Variants in GRM3 observed in about 807,000 individuals in gnomAD.
The protein encoded by GRM3 is glutamate metabotropic receptor 3.
A neutral mutation model predicts 70.5 loss-of-function variants in GRM3; 26 were observed. The observed-to-expected ratio is 0.37, with a 90% confidence interval of 0.27 to 0.51. GRM3 has a LOEUF of 0.51. Among genes scored for constraint, GRM3 ranks in the 20% least tolerant of loss-of-function variants. The probability of loss-of-function intolerance (pLI) is 0.93; values close to 1 mark genes in which losing one functional copy is unlikely to be tolerated. For missense variants in GRM3, 859 were observed against 1,123.8 expected (o/e 0.76, Z 3.37); for synonymous variants, 443 against 434.9 (o/e 1.02, Z -0.23).
At chr7:86,760,037 C>T (rs1796441160) in intron 1 of GRM3, among the ~76,000 whole-genome samples, 1 of 151,994 alleles carries the variant, frequency 6.6e-6, no homozygotes, top group Non-Finnish European at 1.5e-5. Context: ...TAGGACTAAC[C>T]CTAACTTTGT....
intron 1 of GRM3, among the ~76,000 whole-genome samples, chr7:86,701,151 T>C (rs1794938761): frequency 6.6e-6 from 1 of 151,838 alleles, no homozygotes; most frequent in Non-Finnish European, 1.5e-5. Flanking sequence ...AGAAACTAAA[T>C]ACAACCTGAA....
At chr7:86,699,997 T>C (rs913715000) in intron 1 of GRM3, among the ~76,000 whole-genome samples, 1 of 151,942 alleles carries the variant, frequency 6.6e-6, no homozygotes, top group Non-Finnish European at 1.5e-5. Context: ...CACACTAGGC[T>C]TCACAGCATG....
intron 1 of GRM3, 22 bp downstream of exon 1, chr7:86,644,894 G>C: frequency 8.0e-7 from 1 of 1,252,680 alleles, no homozygotes; most frequent in Non-Finnish European, 1.0e-6. Context: ...AGAGGAGGAC[G>C]TGTCCCTCTG....
chr7:86,678,627 T>C (rs1253513573), intron 1 of GRM3, among the ~76,000 whole-genome samples: 1 of 152,082 alleles, frequency 6.6e-6, no homozygotes, highest in Non-Finnish European at 1.5e-5. Flanking sequence ...TCAAACATGA[T>C]ATCTGAGAAA....
chr7:86,832,477 C>T (rs758442576), intron 3 of GRM3, among the ~76,000 whole-genome samples: 1 of 152,034 alleles, frequency 6.6e-6, no homozygotes. Flanking sequence ...TCTTGAACTC[C>T]TGACCTCAGA....
intron 2 of GRM3, among the ~76,000 whole-genome samples, chr7:86,773,583 C>A (rs1258683063): frequency 7.1e-6 from 1 of 139,998 alleles, no homozygotes; most frequent in African/African-American, 2.7e-5. Context: ...CAGACAGAAT[C>A]TTTTCATTTA....
chr7:86,669,671 CTT>C (rs1794121775), intron 1 of GRM3, among the ~76,000 whole-genome samples: 1 of 152,122 alleles, frequency 6.6e-6, no homozygotes, highest in Non-Finnish European at 1.5e-5. Context: ...AGTATTTTCT[CTT>C]ATATATTTTG....
At chr7:86,787,222 A>G (rs1797275191) in intron 3 of GRM3, 106 bp downstream of exon 3, 2 of 941,824 alleles carry the variant, frequency 2.1e-6, no homozygotes, top group Non-Finnish European at 3.2e-6. Context: ...CAAAGCCATA[A>G]AAAGGGTTCA....
At chr7:86,746,700 T>C (rs948771006) in intron 1 of GRM3, among the ~76,000 whole-genome samples, 1 of 151,982 alleles carries the variant, frequency 6.6e-6, no homozygotes, top group African/African-American at 2.4e-5. Context: ...AGAAAGCTGA[T>C]TTCACGGGGC....
intron 3 of GRM3, among the ~76,000 whole-genome samples, chr7:86,799,677 C>T (rs1198091739): frequency 6.6e-6 from 1 of 151,872 alleles, no homozygotes; most frequent in South Asian, 2.1e-4. Flanking sequence ...CAGGCGCCCA[C>T]CACCAAGGCC....
chr7:86,774,685 A>G (rs997950397), intron 2 of GRM3, among the ~76,000 whole-genome samples: 1 of 84,656 alleles, frequency 1.2e-5, no homozygotes, highest in Admixed American at 1.1e-4. Flanking sequence ...TTGAATTGTC[A>G]GTGTGTTTAC....
At chr7:86,647,784 G>C (rs1220892772) in intron 1 of GRM3, among the ~76,000 whole-genome samples, 1 of 152,100 alleles carries the variant, frequency 6.6e-6, no homozygotes, top group African/African-American at 2.4e-5. Context: ...AAAACTATTA[G>C]CTCATACCCC....
chr7:86,860,897 G>A (rs1299625543), intron 5 of GRM3, among the ~76,000 whole-genome samples: 3 of 152,162 alleles, frequency 2.0e-5, no homozygotes, highest in Admixed American at 6.5e-5. Flanking sequence ...AGAGGACAGG[G>A]AACATCAGAG....
intron 1 of GRM3, among the ~76,000 whole-genome samples, chr7:86,671,631 G>T (rs1416787715): frequency 6.6e-6 from 1 of 152,126 alleles, no homozygotes; most frequent in African/African-American, 2.4e-5. Flanking sequence ...ATTGGAAATT[G>T]CTTTAATCTA....
intron 1 of GRM3, among the ~76,000 whole-genome samples, chr7:86,745,677 A>G (rs1412969379): frequency 6.6e-6 from 1 of 152,130 alleles, no homozygotes; most frequent in Non-Finnish European, 1.5e-5. Context: ...GGATTATGCT[A>G]TATTATCATT....
intron 2 of GRM3, among the ~76,000 whole-genome samples, chr7:86,779,731 A>T (rs1229423759): frequency 6.6e-6 from 1 of 152,222 alleles, no homozygotes; most frequent in Non-Finnish European, 1.5e-5. Context: ...TTAGAGAAGA[A>T]GCCCTTGAAT....
At chr7:86,676,239 A>G (rs1794303239) in intron 1 of GRM3, among the ~76,000 whole-genome samples, 1 of 152,008 alleles carries the variant, frequency 6.6e-6, no homozygotes, top group African/African-American at 2.4e-5. Context: ...GATGAAGTAC[A>G]TCTCACAAGA....
intron 3 of GRM3, among the ~76,000 whole-genome samples, chr7:86,805,414 A>G (rs1401877469): frequency 6.6e-6 from 1 of 152,196 alleles, no homozygotes; most frequent in Non-Finnish European, 1.5e-5. Context: ...TGCATTTGCT[A>G]CAGTTAATGA....
intron 1 of GRM3, among the ~76,000 whole-genome samples, chr7:86,758,753 G>A (rs1027423474): frequency 1.3e-5 from 2 of 152,064 alleles, no homozygotes; most frequent in African/African-American, 4.8e-5. Flanking sequence ...GAAAATAGGA[G>A]ATGAATAGGA....
Sources: gnomAD v4.1 joint callset for allele counts (sites outside exome capture counted in the v4.1 genomes callset) on GRCh38, gnomAD v4.1.1 for gene constraint, MANE v1.5 for transcripts, NCBI Gene and HGNC (gene_info 2026-07-23, HGNC 2026-07-21) for gene names.